Variants in DNAH12 observed in about 807,000 individuals in gnomAD.
DNAH12 encodes axonemal beta dynein heavy chain 12.
DNAH12 carries 285 observed loss-of-function variants against 371.5 expected under a neutral mutation model. That is an observed-to-expected ratio of 0.77 (90% CI 0.70 to 0.85). DNAH12 has a LOEUF of 0.85. DNAH12 is among the 40% of genes least tolerant of loss of function. The pLI, the probability that DNAH12 is intolerant of heterozygous loss-of-function variation, is 0.00. For missense variants in DNAH12, 3,611 were observed against 3,689.4 expected, an observed-to-expected ratio of 0.98 and a Z score of 0.55; for synonymous variants, 1,200 against 1,213.0, an observed-to-expected ratio of 0.99 and a Z score of 0.22.
chr3:57,508,501 C>T lies in DNAH12; in HGVS notation c.582G>A (p.Val194=). 6.2e-7 allele frequency: 1 copy of T among 1,612,340 alleles called. No individual in the cohort carries two copies. Among genetic ancestry groups the T allele is most frequent in the Non-Finnish European group, 8.5e-7 (1 of 1,179,578 alleles). The part of the protein sequence containing the change: ...DYSNPWHSSY[V]QARNQIFSNL... The stretch of plus-strand genomic sequence containing the variant: ...TAGAGAATATTTGATTTCTTGCCTG[C>T]ACATAGCTAGAATGCCAAGGATTAG... Residue 194 remains valine, a synonymous_variant, in exon 7 of 74, where the codon GTG becomes GTA. Transcript: ENST00000495027.
chr3:57,384,337 A>T (rs2063457205), intron 49 of DNAH12, among the ~76,000 whole-genome samples: 1 of 152,078 alleles, frequency 6.6e-6, no homozygotes, highest in Non-Finnish European at 1.5e-5. Context: ...TATAAATAAT[A>T]TATAAAAAGC....
chr3:57,465,495 A>G (rs948120911), intron 17 of DNAH12, among the ~76,000 whole-genome samples: 5 of 152,180 alleles, frequency 3.3e-5, no homozygotes, highest in African/African-American at 1.2e-4. Context: ...TCCTGAACAT[A>G]ACCTCAAATA....
Position 57,403,326 on chromosome 3 carries a change from A to T in DNAH12, c.6931T>A (p.Trp2311Arg). 6.5e-7 allele frequency: 1 copy of T among 1,547,430 alleles called. No individual in the cohort carries two copies. The highest frequency in any genetic ancestry group is 2.0e-5 in the Admixed American group (1 of 49,962). Residue 2311 changes from tryptophan to arginine, a missense_variant, in exon 43 of 74, where the codon TGG becomes AGG. Transcript: ENST00000495027. ...AATTTTACCTTCATATCCTCTCTCC[A>T]TTCATTCATACCATAGCTCTTAGAA... ...EISKSYGMNE[W>R]REDMKGLLRN...
At chr3:57,412,964 T>G (rs544263820) in intron 39 of DNAH12, among the ~76,000 whole-genome samples, 1 of 152,346 alleles carries the variant, frequency 6.6e-6, no homozygotes, top group East Asian at 1.9e-4. Context: ...TGACAACTTA[T>G]GTCCATGTAA....
intron 60 of DNAH12, among the ~76,000 whole-genome samples, chr3:57,342,038 G>A (rs2062413980): frequency 6.6e-6 from 1 of 152,092 alleles, no homozygotes; most frequent in South Asian, 2.1e-4. Context: ...TCAGTAAATG[G>A]TTCTGGGGAA....
chr3:57,541,847 A>C (rs1197463860), intron 2 of DNAH12, among the ~76,000 whole-genome samples: 1 of 152,120 alleles, frequency 6.6e-6, no homozygotes, highest in Non-Finnish European at 1.5e-5. Flanking sequence ...ATTAGCAAAA[A>C]TTAAAATTAT....
At chr3:57,519,650 A>G (rs1243623052) in intron 4 of DNAH12, 1 of 1,419,208 alleles carries the variant, frequency 7.0e-7, no homozygotes, top group Non-Finnish European at 1.0e-6. Flanking sequence ...AACTGCACTA[A>G]GAAGCCTTCT....
At chr3:57,452,796 C>T (rs1198367996) in intron 25 of DNAH12, 47 bp downstream of exon 25, 4 of 1,493,278 alleles carry the variant, frequency 2.7e-6, no homozygotes, top group Middle Eastern at 2.2e-4. Context: ...GACGCTACAG[C>T]AAAAAGTAAT....
At chr3:57,467,615 A>G (rs2066243193) in intron 17 of DNAH12, among the ~76,000 whole-genome samples, 1 of 152,146 alleles carries the variant, frequency 6.6e-6, no homozygotes, top group South Asian at 2.1e-4. Flanking sequence ...TAGTTTTATT[A>G]TAGTAAATTA....
intron 60 of DNAH12, among the ~76,000 whole-genome samples, chr3:57,347,631 G>A (rs889869719): frequency 4.0e-5 from 6 of 150,786 alleles, no homozygotes; most frequent in South Asian, 2.1e-4. Flanking sequence ...CAGGAGAATC[G>A]ATTGAACCCA....
intron 18 of DNAH12, 74 bp from the exon 19 acceptor site, chr3:57,461,763 G>A (rs925752669): frequency 1.2e-5 from 15 of 1,205,838 alleles, no homozygotes; most frequent in Non-Finnish European, 1.6e-5. Context: ...TTTCCCTAGT[G>A]AATTCAGTAA....
chr3:57,445,186 A>AT lies in DNAH12; in HGVS notation c.4412dup (p.Asn1471LysfsTer2). The stretch of plus-strand genomic sequence containing the variant: ...ATTTAATACTTACAAGTATATCTTC[A>AT]TTTTCATTTGGGTATTTTAGTTTTA... On this transcript the variant is annotated frameshift_variant, in exon 28 of 74. Coordinates refer to ENST00000495027, the MANE Select transcript of DNAH12 (RefSeq NM_001366028.2). LOFTEE classifies it high-confidence loss of function. 2 of 1,540,592 alleles carry AT rather than the reference A, an allele frequency of 1.3e-6. No individual in the cohort carries two copies. The highest frequency in any genetic ancestry group is 1.8e-6 in the Non-Finnish European group (2 of 1,140,404).
intron 60 of DNAH12, among the ~76,000 whole-genome samples, chr3:57,337,369 G>A (rs1851574): frequency 0.95 from 145,073 of 152,034 alleles, 69,296 homozygotes; most frequent in East Asian, 1. Context: ...GTAAAAGAGA[G>A]AACTTTTCAG....
intron 2 of DNAH12, among the ~76,000 whole-genome samples, chr3:57,536,021 G>C (rs2069029420): frequency 6.6e-6 from 1 of 151,832 alleles, no homozygotes; most frequent in South Asian, 2.1e-4. Context: ...ATTTTTAATA[G>C]AGACGGGGTT....
chr3:57,453,164 G>T lies in DNAH12; in HGVS notation c.3613+83C>A, dbSNP rs141112915. On this transcript the variant is annotated intron_variant, in intron 24 of 73. Coordinates refer to ENST00000495027, the MANE Select transcript of DNAH12 (RefSeq NM_001366028.2). ...GATTGTGTTAAAAAAATTCTGTTGA[G>T]AGAAGAATACATATAGTACAAGTCT... 5.4e-4 allele frequency: 798 copies of T among 1,470,398 alleles called. 2 individuals are homozygous for T. The African/African-American group carries it at 0.01, about 19-fold the overall frequency. The allele number at this position is 1,470,398 out of a possible 1,614,324, so 91.1% of individuals were successfully genotyped here.
chr3:57,438,707 C>A (rs566136953), intron 29 of DNAH12, among the ~76,000 whole-genome samples: 1 of 151,992 alleles, frequency 6.6e-6, no homozygotes, highest in Admixed American at 6.6e-5. Context: ...AATCTCAGCA[C>A]TTTGGGAGGC....
In DNAH12 at chr3:57,359,516, G is replaced by A. The variant is rs1362588872; in HGVS notation, c.9361-2168C>T. Among the ~76,000 whole-genome samples, 12 of 134,244 alleles carry A rather than the reference G, an allele frequency of 8.9e-5. No individual in the cohort carries two copies. The East Asian group carries it at 2.4e-3, about 27-fold the overall frequency. 88.1% of individuals were successfully genotyped at this position (134,244 alleles called of 152,430 possible). On this transcript the variant is annotated intron_variant, in intron 58 of 73. Transcript: ENST00000495027. The stretch of plus-strand genomic sequence containing the variant: ...AGAGGTTGCTGTGAGCCGAGATTGC[G>A]CCATTGCACTCCAGCCTGGGCAACA...
At chr3:57,506,172 G>A (rs569074134) in intron 8 of DNAH12, among the ~76,000 whole-genome samples, 1 of 152,282 alleles carries the variant, frequency 6.6e-6, no homozygotes, top group South Asian at 2.1e-4. Context: ...GGTAAAGACT[G>A]AAGGGAGGGG....
chr3:57,405,051 G>T lies in DNAH12; in HGVS notation c.6673C>A (p.His2225Asn). The change falls in exon 42 of 74, where the codon CAT (histidine) becomes AAT (asparagine). Residue 2225 changes from histidine to asparagine, a missense_variant. By Grantham distance (68) the His-to-Asn change is moderately conservative. Coordinates refer to ENST00000495027, the MANE Select transcript of DNAH12 (RefSeq NM_001366028.2). ...DRVYIEIPNI[H>N]HFSDVVDQCL... ...TGGTCCACAACATCACTAAAATGAT[G>T]AATATTTGGAATTTCAATATAAACT... The T allele has an allele frequency of 2.6e-6, 4 of 1,546,422 alleles. No homozygotes were observed. Among genetic ancestry groups the T allele is most frequent in the Non-Finnish European group, 3.5e-6 (4 of 1,145,332 alleles).
Sources: allele counts gnomAD v4.1 joint callset (sites outside exome capture counted in the v4.1 genomes callset), GRCh38; gene constraint gnomAD v4.1.1; transcripts MANE v1.5; gene names NCBI Gene and HGNC (gene_info 2026-07-23, HGNC 2026-07-21).